The following BCAS3 variants were observed in gnomAD, a reference collection of about 807,000 sequenced individuals.
BCAS3 encodes the protein BCAS4/BCAS3 fusion.
A neutral mutation model predicts 116.1 loss-of-function variants in BCAS3; 53 were observed. That is an observed-to-expected ratio of 0.46 (90% CI 0.37 to 0.57). BCAS3 has a LOEUF of 0.57. Ranked by LOEUF, BCAS3 falls within the 20% of genes least tolerant of loss-of-function variation. BCAS3 has a pLI of 0.00. For missense variants in BCAS3, 917 were observed against 1,165.4 expected (o/e 0.79, Z 3.10); for synonymous variants, 391 against 408.2 (o/e 0.96, Z 0.51).
chr17:61,277,300 C>G (rs1168838306), intron 22 of BCAS3, among the ~76,000 whole-genome samples: 1 of 140,056 alleles, frequency 7.1e-6, no homozygotes, highest in South Asian at 2.3e-4. Flanking sequence ...GATGAGACAA[C>G]TGAATATCCA....
chr17:61,383,329 G>T (rs1055262589), intron 23 of BCAS3: 3 of 152,298 alleles, frequency 2.0e-5, no homozygotes, highest in African/African-American at 4.8e-5. Flanking sequence ...GCAAGCCGGG[G>T]TCTCCTCAGC....
chr17:60,950,625 A>G (rs1191463089), intron 14 of BCAS3, among the ~76,000 whole-genome samples: 1 of 152,224 alleles, frequency 6.6e-6, no homozygotes, highest in Admixed American at 6.5e-5. Flanking sequence ...TTTAAAAGTC[A>G]TTATTTATTA....
chr17:60,814,304 T>TGCGCGCGCGCGC (rs59755143), intron 7 of BCAS3, among the ~76,000 whole-genome samples: 33 of 136,806 alleles, frequency 2.4e-4, no homozygotes, highest in African/African-American at 7.5e-4. Context: ...TGTGTGTGTG[T>TGCGCGCGCGCGC]GTGCGCGCGT....
intron 22 of BCAS3, among the ~76,000 whole-genome samples, chr17:61,311,896 A>T (rs1347156646): frequency 7.7e-6 from 1 of 130,116 alleles, no homozygotes; most frequent in Non-Finnish European, 1.5e-5. Flanking sequence ...TCCATCTCAA[A>T]AAAAAGCATA....
At chr17:60,712,136 G>A (rs1598229680) in intron 5 of BCAS3, among the ~76,000 whole-genome samples, 1 of 152,206 alleles carries the variant, frequency 6.6e-6, no homozygotes, top group African/African-American at 2.4e-5. Flanking sequence ...CTGCACTCCA[G>A]CCTGGGTGAC....
In BCAS3 at chr17:61,286,582, C is replaced by T. The variant is rs893074084; in HGVS notation, c.2426-81745C>T. Among the ~76,000 whole-genome samples the T allele has an allele frequency of 2.6e-5, 4 of 152,110 alleles. No homozygotes were observed. The highest frequency in any genetic ancestry group is 9.7e-5 in the African/African-American group (4 of 41,430). Reference sequence around the variant, plus strand: ...CATGTCAGAATAGGGATTTTCACACCAGCAGAGAGTGCTAACAGTGTGCCA... The same window carrying T: ...CATGTCAGAATAGGGATTTTCACACTAGCAGAGAGTGCTAACAGTGTGCCA... On this transcript the variant is annotated intron_variant, in intron 22 of 23. Coordinates refer to ENST00000407086, the MANE Select transcript of BCAS3 (RefSeq NM_017679.5). This position sits in a 1 kb window ranked among gnomAD's most constrained non-coding sequence, Gnocchi z 4.8.
chr17:60,726,077 T>G (rs1262742930), intron 5 of BCAS3, among the ~76,000 whole-genome samples: 2 of 150,234 alleles, frequency 1.3e-5, no homozygotes, highest in East Asian at 2.0e-4. Context: ...GTACTTTTAG[T>G]GGAGACAGGG....
chr17:60,840,694 A>G (rs1194038373), intron 7 of BCAS3, among the ~76,000 whole-genome samples: 1 of 152,170 alleles, frequency 6.6e-6, no homozygotes, highest in Non-Finnish European at 1.5e-5. Context: ...CCGTGTTTAC[A>G]ACATGTTTGG....
rs2077548383 is a variant in BCAS3 at position 61,151,649 on chromosome 17, G to A, written c.2425+67085G>A. ...ATTTTTAAATTTTTGGCAGAAACAA[G>A]TTCTCGCCATTTTACCCAGACTGGT... On this transcript the variant is annotated intron_variant, in intron 22 of 23. Transcript: ENST00000407086. This position sits in a 1 kb window ranked among gnomAD's most constrained non-coding sequence, Gnocchi z 4.8. Among the ~76,000 whole-genome samples the A allele has an allele frequency of 6.6e-6, 1 of 152,070 alleles. No individual in the cohort carries two copies. The highest frequency in any genetic ancestry group is 6.6e-5 in the Admixed American group (1 of 15,252).
At chr17:60,875,566 A>C (rs2144919607) in intron 9 of BCAS3, among the ~76,000 whole-genome samples, 1 of 152,234 alleles carries the variant, frequency 6.6e-6, no homozygotes, top group South Asian at 2.1e-4. Flanking sequence ...TACTTAGAAG[A>C]GAGAATAGTG....
Position 61,299,955 on chromosome 17 carries a change from A to T in BCAS3, c.2426-68372A>T, listed in dbSNP as rs563961179. Among the ~76,000 whole-genome samples, 43 of 152,346 alleles carry T rather than the reference A, an allele frequency of 2.8e-4. No individual in the cohort carries two copies. In the South Asian group the frequency reaches 8.9e-3, roughly 32 times the overall value. ...TATGTGGCTGCTCACAGATACGTGT[A>T]TAGAAGATGAAAGAGAAAAATGGAC... On this transcript the variant is annotated intron_variant, in intron 22 of 23. Transcript: ENST00000407086.
chr17:61,083,560 G>T lies in BCAS3; in HGVS notation c.2328-907G>T, dbSNP rs1488830147. Among the ~76,000 whole-genome samples the T allele has an allele frequency of 7.3e-5, 11 of 151,572 alleles. No individual in the cohort carries two copies. Among genetic ancestry groups the T allele is most frequent in the Admixed American group, 2.0e-4 (3 of 15,216 alleles). ...GTATTTATTCTAATGCAGCTAGAAA[G>T]AGACACTCGGCATTTGGCATTTATA... is the stretch of plus-strand genomic sequence containing the variant. On this transcript the variant is annotated intron_variant, in intron 21 of 23. Transcript: ENST00000407086. The surrounding 1 kb of genome is among the most constrained non-coding windows in gnomAD (Gnocchi z 4.9).
chr17:60,905,023 A>G (rs2058113405), intron 11 of BCAS3, among the ~76,000 whole-genome samples: 1 of 152,248 alleles, frequency 6.6e-6, no homozygotes. Context: ...GAAGAGCATT[A>G]TAATACAAGA....
intron 14 of BCAS3, among the ~76,000 whole-genome samples, chr17:60,973,049 G>A (rs181526827): frequency 3.2e-4 from 49 of 152,146 alleles, no homozygotes; most frequent in Non-Finnish European, 4.9e-4. Flanking sequence ...CATACTTTTG[G>A]CCATAGAAAG....
At chr17:61,114,743 A>G (rs1484494433) in intron 22 of BCAS3, among the ~76,000 whole-genome samples, 1 of 151,508 alleles carries the variant, frequency 6.6e-6, no homozygotes, top group Non-Finnish European at 1.5e-5. Flanking sequence ...AAACTACTTT[A>G]AAGTTCATAT....
At chr17:61,385,161 GAC>G (rs915132738) in intron 23 of BCAS3, among the ~76,000 whole-genome samples, 2 of 152,200 alleles carry the variant, frequency 1.3e-5, no homozygotes, top group Non-Finnish European at 2.9e-5. Context: ...CTCTGGAAGA[GAC>G]AGCAGTTGTT....
Position 61,378,049 on chromosome 17 carries a change from A to T in BCAS3, c.2593+9555A>T, listed in dbSNP as rs1254861649. The T allele has an allele frequency of 6.6e-6, 1 of 152,168 alleles. No homozygotes were observed. The highest frequency in any genetic ancestry group is 6.5e-5 in the Admixed American group (1 of 15,268). The allele number at this position is 152,168 out of a possible 1,614,324, so 9.4% of individuals were successfully genotyped here. A position where few individuals can be genotyped will look rare whatever the true frequency, so the allele number is the denominator to read the frequency against. ...CAGGGCCTGCCTTGACTGCCGTTGCACTTCCCTGCTCAGAAAGTGTCCAGG... is the reference window on the plus strand; with the variant it reads ...CAGGGCCTGCCTTGACTGCCGTTGCTCTTCCCTGCTCAGAAAGTGTCCAGG... On this transcript the variant is annotated intron_variant, in intron 23 of 23. Coordinates refer to ENST00000407086, the MANE Select transcript of BCAS3 (RefSeq NM_017679.5). This position sits in a 1 kb window ranked among gnomAD's most constrained non-coding sequence, Gnocchi z 5.8.
intron 22 of BCAS3, among the ~76,000 whole-genome samples, chr17:61,238,993 A>C (rs535307565): frequency 4.2e-4 from 64 of 152,210 alleles, no homozygotes; most frequent in African/African-American, 1.5e-3. Flanking sequence ...GAAGTCCAAA[A>C]TGCTTGGGTA....
chr17:60,756,769 G>A (rs977850193), intron 6 of BCAS3, among the ~76,000 whole-genome samples: 1 of 152,208 alleles, frequency 6.6e-6, no homozygotes, highest in Admixed American at 6.5e-5. Flanking sequence ...TTCTCCTTTG[G>A]ATAAATACCA....
Sources: gnomAD v4.1 joint callset for allele counts (sites outside exome capture counted in the v4.1 genomes callset) on GRCh38, gnomAD v4.1.1 for gene constraint, Gnocchi (gnomAD v3.1) non-coding constraint, MANE v1.5 for transcripts, NCBI Gene and HGNC (gene_info 2026-07-23, HGNC 2026-07-21) for gene names.